PLEKHA7: variants seen among roughly 807,000 people sequenced by gnomAD.
PLEKHA7 encodes pleckstrin homology domain containing A7, also known as pleckstrin homology domain-containing family A member 7.
A neutral mutation model predicts 170.0 loss-of-function variants in PLEKHA7; 104 were observed. The observed-to-expected ratio is 0.61, with a 90% CI of 0.52 to 0.72. The LOEUF (loss-of-function observed/expected upper bound fraction) is 0.72, where lower values mean the gene tolerates loss of function less well. Ranked by LOEUF, PLEKHA7 falls within the 30% of genes least tolerant of loss-of-function variation. The pLI is 0.00. For synonymous variants in PLEKHA7, 648 were observed against 660.8 expected (o/e 0.98, Z 0.30); for missense variants, 1,615 against 1,671.7 (o/e 0.97, Z 0.59).
chr11:17,001,082 G>C (rs1864635367), intron 3 of PLEKHA7, among the ~76,000 whole-genome samples: 1 of 152,018 alleles, frequency 6.6e-6, no homozygotes, highest in Non-Finnish European at 1.5e-5. Flanking sequence ...CTCCTGCCTT[G>C]GGCTGCTCAC....
At chr11:16,856,992 A>G (rs769694020) in intron 4 of PLEKHA7, among the ~76,000 whole-genome samples, 43 of 152,242 alleles carry the variant, frequency 2.8e-4, no homozygotes, top group Non-Finnish European at 2.4e-4. Context: ...AGATGCAGCT[A>G]GAGAACCCAG....
intron 4 of PLEKHA7, among the ~76,000 whole-genome samples, chr11:16,857,379 C>A (rs1853552954): frequency 6.6e-6 from 1 of 152,240 alleles, no homozygotes; most frequent in South Asian, 2.1e-4. Flanking sequence ...CCAGATTCCA[C>A]ACCCCCAGCC....
intron 12 of PLEKHA7, among the ~76,000 whole-genome samples, 168 bp downstream of exon 12, chr11:16,816,010 G>A (rs1043124304): frequency 6.6e-6 from 1 of 152,118 alleles, no homozygotes; most frequent in African/African-American, 2.4e-5. Flanking sequence ...GGGACCCAGT[G>A]ACAGCCAGGT....
intron 3 of PLEKHA7, among the ~76,000 whole-genome samples, chr11:16,977,874 G>C (rs1227964016): frequency 1.3e-5 from 2 of 152,114 alleles, no homozygotes; most frequent in Admixed American, 6.5e-5. Flanking sequence ...GTAAGATGAG[G>C]TAGAGTATTT....
chr11:16,791,522 G>C lies in PLEKHA7; in HGVS notation c.2746-323C>G. On this transcript the variant is annotated intron_variant, in intron 19 of 26. Transcript: ENST00000531066. The surrounding 1 kb of genome is among the most constrained non-coding windows in gnomAD (Gnocchi z 4.5). ...CTGAACTGCTCCCTCCGCTCATCTGGAGTGCACATCGCAGGCAGGCTGCTA... is the reference window on the plus strand; with the variant it reads ...CTGAACTGCTCCCTCCGCTCATCTGCAGTGCACATCGCAGGCAGGCTGCTA... 1 of 541,654 alleles carries C rather than the reference G, an allele frequency of 1.8e-6. No homozygotes were observed. Among genetic ancestry groups the C allele is most frequent in the Non-Finnish European group, 3.5e-6 (1 of 282,328 alleles). 33.6% of individuals were successfully genotyped at this position (541,654 alleles called of 1,614,324 possible). A position where few individuals can be genotyped will look rare whatever the true frequency, so the allele number is the denominator to read the frequency against.
At chr11:16,827,591 C>G (rs1850756607) in intron 9 of PLEKHA7, among the ~76,000 whole-genome samples, 1 of 152,168 alleles carries the variant, frequency 6.6e-6, no homozygotes, top group Admixed American at 6.5e-5. Context: ...TGGAGGGCTC[C>G]TCTTTCATGG....
intron 3 of PLEKHA7, among the ~76,000 whole-genome samples, chr11:16,945,852 G>A (rs1202273861): frequency 6.6e-6 from 1 of 152,218 alleles, no homozygotes; most frequent in Non-Finnish European, 1.5e-5. Context: ...CTAGGGACCT[G>A]ATTAAGAACA....
intron 4 of PLEKHA7, among the ~76,000 whole-genome samples, chr11:16,861,481 T>C (rs1853945257): frequency 6.6e-6 from 1 of 151,992 alleles, no homozygotes; most frequent in Non-Finnish European, 1.5e-5. Flanking sequence ...AGACCCCGTC[T>C]CTATGAAAAA....
intron 3 of PLEKHA7, among the ~76,000 whole-genome samples, chr11:16,873,270 C>G (rs1855012701): frequency 6.6e-6 from 1 of 152,152 alleles, no homozygotes; most frequent in Non-Finnish European, 1.5e-5. Flanking sequence ...CCTACAAAGT[C>G]TTTTTTTACT....
In PLEKHA7 at chr11:16,929,922, C is replaced by T. The variant is rs187017520; in HGVS notation, c.222-58740G>A. On this transcript the variant is annotated intron_variant, in intron 3 of 26. Transcript: ENST00000531066. ...GGGAGGCTGAGGCAGGAGAATCACT[C>T]GAACCCGGGAGGTGGAGGTTGCAGT... Among the ~76,000 whole-genome samples the T allele has an allele frequency of 1.1e-3, 172 of 151,816 alleles. 2 individuals carry two copies. Among genetic ancestry groups the T allele is most frequent in the Admixed American group, 9.8e-3 (150 of 15,286 alleles).
intron 3 of PLEKHA7, among the ~76,000 whole-genome samples, chr11:16,999,156 C>T (rs537039248): frequency 6.6e-6 from 1 of 152,220 alleles, no homozygotes; most frequent in South Asian, 2.1e-4. Context: ...CCAGGACCAG[C>T]TCAGGGACAA....
At chr11:16,860,317 C>T (rs1853838662) in intron 4 of PLEKHA7, among the ~76,000 whole-genome samples, 1 of 152,138 alleles carries the variant, frequency 6.6e-6, no homozygotes, top group Admixed American at 6.5e-5. Flanking sequence ...GTTATAGATA[C>T]AGAAGCTATT....
intron 3 of PLEKHA7, among the ~76,000 whole-genome samples, chr11:16,913,297 G>A (rs1246096123): frequency 6.6e-6 from 1 of 152,186 alleles, no homozygotes; most frequent in African/African-American, 2.4e-5. Context: ...AGAGGAGAGT[G>A]CCACTCTGAA....
intron 3 of PLEKHA7, among the ~76,000 whole-genome samples, chr11:16,900,113 G>C (rs541375260): frequency 1.3e-5 from 2 of 152,312 alleles, no homozygotes; most frequent in African/African-American, 4.8e-5. Flanking sequence ...TTAAGCCCCA[G>C]AGCATGTCAC....
rs1319736899 is a variant in PLEKHA7, at chr11:16,790,840, G to A, written c.3010C>T (p.Leu1004Phe). 2 of 1,609,844 alleles carry A rather than the reference G, an allele frequency of 1.2e-6. No homozygotes were observed. Among genetic ancestry groups the A allele is most frequent in the East Asian group, 2.2e-5 (1 of 44,674 alleles). ...TGGTACCTGCTCTCAGGGCCCACAA[G>A]TCCTAGGGAGGGCTGGGCCATGTCC... The part of the protein sequence containing the change: ...SGDMAQPSLG[L>F]VGPESRYQTL... Residue 1004 changes from leucine to phenylalanine, a missense_variant, in exon 21 of 27, where the codon CTT becomes TTT. Leu to Phe is a conservative substitution (Grantham distance 22). Coordinates refer to ENST00000531066, the MANE Select transcript of PLEKHA7 (RefSeq NM_001329630.2).
intron 3 of PLEKHA7, among the ~76,000 whole-genome samples, chr11:16,975,715 A>AAGATGTTAAC (rs1276857678): frequency 1.3e-5 from 2 of 152,222 alleles, no homozygotes; most frequent in African/African-American, 4.8e-5. Flanking sequence ...GATAGACAAC[A>AAGATGTTAAC]AGATGTTAAC....
At chr11:16,876,291 G>A (rs895071459) in intron 3 of PLEKHA7, among the ~76,000 whole-genome samples, 12 of 152,270 alleles carry the variant, frequency 7.9e-5, no homozygotes, top group African/African-American at 2.9e-4. Context: ...GCCCGGCTGA[G>A]AGCCAAGTGG....
intron 3 of PLEKHA7, among the ~76,000 whole-genome samples, chr11:16,916,777 T>C (rs147951914): frequency 3.3e-5 from 5 of 152,216 alleles, no homozygotes; most frequent in South Asian, 2.1e-4. Context: ...TGAGATGACA[T>C]TGATGCTCTT....
intron 24 of PLEKHA7, 66 bp downstream of exon 24, chr11:16,786,163 G>A: frequency 6.6e-7 from 1 of 1,513,092 alleles, no homozygotes; most frequent in Non-Finnish European, 8.8e-7. Flanking sequence ...CAGTGGGAAG[G>A]TGGATCAGGC....
Sources: allele counts gnomAD v4.1 joint callset (sites outside exome capture counted in the v4.1 genomes callset), GRCh38; gene constraint gnomAD v4.1.1; non-coding constraint Gnocchi (gnomAD v3.1); transcripts MANE v1.5; gene names NCBI Gene and HGNC (gene_info 2026-07-23, HGNC 2026-07-21).